Variants in SNX9 observed in about 807,000 individuals in gnomAD.
SNX9 encodes the protein sorting nexin-9.
SNX9 carries 44 observed loss-of-function variants against 89.4 expected under a neutral mutation model. The observed-to-expected ratio is 0.49, with a 90% CI of 0.39 to 0.63. The LOEUF is 0.63. SNX9 is among the 30% of genes least tolerant of loss of function. The pLI is 0.00. For missense variants in SNX9, 578 were observed against 736.1 expected, an observed-to-expected ratio of 0.79 and a Z score of 2.49; for synonymous variants, 236 against 247.8, an observed-to-expected ratio of 0.95 and a Z score of 0.45.
chr6:157,918,232 A>C (rs755664885), intron 9 of SNX9, among the ~76,000 whole-genome samples: 6 of 152,038 alleles, frequency 3.9e-5, no homozygotes, highest in Non-Finnish European at 8.8e-5. Flanking sequence ...TGATTAGTGG[A>C]CTATCTCTCC....
intron 17 of SNX9, 95 bp from the exon 18 acceptor site, chr6:157,942,696 G>A (rs1226781333): frequency 8.4e-6 from 11 of 1,316,816 alleles, no homozygotes; most frequent in Non-Finnish European, 1.1e-5. Context: ...TGGAATTTGT[G>A]TCATGTTTAA....
At chr6:157,891,724 G>A (rs1222417830) in intron 4 of SNX9, among the ~76,000 whole-genome samples, 4 of 152,214 alleles carry the variant, frequency 2.6e-5, no homozygotes, top group Non-Finnish European at 5.9e-5. Flanking sequence ...GGAGGCGGCT[G>A]GATGTCAGCC....
intron 9 of SNX9, among the ~76,000 whole-genome samples, chr6:157,911,962 C>G (rs1433887949): frequency 6.6e-6 from 1 of 152,156 alleles, no homozygotes; most frequent in Non-Finnish European, 1.5e-5. Context: ...TGAGTGGTCC[C>G]TCGTGGTGCT....
At chr6:157,873,280 T>A (rs1782452550) in intron 3 of SNX9, 104 bp downstream of exon 3, 2 of 729,542 alleles carry the variant, frequency 2.7e-6, no homozygotes, top group Middle Eastern at 2.5e-4. Context: ...AAAACAAAAT[T>A]TCCATTGTAA....
At chr6:157,938,797 CA>C in intron 16 of SNX9, 50 bp downstream of exon 16, 1 of 1,399,504 alleles carries the variant, frequency 7.1e-7, no homozygotes, top group Middle Eastern at 1.8e-4. Flanking sequence ...TTTTTTTCCC[CA>C]GCAAAGTTTC....
chr6:157,924,321 G>A (rs1489593859), intron 10 of SNX9: 1 of 152,182 alleles, frequency 6.6e-6, no homozygotes, highest in African/African-American at 2.4e-5. Context: ...CTCCCGGGGA[G>A]CAGTGGTGCC....
chr6:157,867,936 A>G (rs1583207829), intron 2 of SNX9, among the ~76,000 whole-genome samples: 1 of 152,148 alleles, frequency 6.6e-6, no homozygotes, highest in African/African-American at 2.4e-5. Context: ...TTATCTTACA[A>G]TTTTTTAAAT....
At chr6:157,903,620 CGAAG>C (rs1265253238) in intron 6 of SNX9, among the ~76,000 whole-genome samples, 1 of 152,110 alleles carries the variant, frequency 6.6e-6, no homozygotes, top group Non-Finnish European at 1.5e-5. Flanking sequence ...ATTTTGAAAA[CGAAG>C]GAAGCAGAGA....
intron 2 of SNX9, among the ~76,000 whole-genome samples, chr6:157,870,392 C>G (rs563003230): frequency 6.6e-6 from 1 of 152,100 alleles, no homozygotes; most frequent in African/African-American, 2.4e-5. Context: ...TGCATGTACC[C>G]CTCAGACACT....
At chr6:157,832,487 G>T (rs1781496248) in intron 1 of SNX9, among the ~76,000 whole-genome samples, 1 of 152,208 alleles carries the variant, frequency 6.6e-6, no homozygotes. Context: ...AAGGACCCAA[G>T]TCTTGAAATG....
chr6:157,930,849 G>A (rs1355655612), intron 12 of SNX9, among the ~76,000 whole-genome samples: 1 of 152,218 alleles, frequency 6.6e-6, no homozygotes, highest in Non-Finnish European at 1.5e-5. Flanking sequence ...AATTTTGACT[G>A]TAAACTCTTG....
intron 4 of SNX9, among the ~76,000 whole-genome samples, chr6:157,877,679 G>C (rs937602847): frequency 2.6e-5 from 4 of 152,130 alleles, no homozygotes; most frequent in African/African-American, 9.7e-5. Flanking sequence ...CTCTCCCAGG[G>C]TCGGTTTTGT....
intron 1 of SNX9, among the ~76,000 whole-genome samples, chr6:157,838,874 C>T (rs937844545): frequency 2.0e-5 from 3 of 152,122 alleles, no homozygotes; most frequent in African/African-American, 7.2e-5. Context: ...AGTGAACATT[C>T]GAGGCAAGTA....
intron 9 of SNX9, among the ~76,000 whole-genome samples, chr6:157,919,047 C>A (rs144662956): frequency 2.0e-5 from 3 of 152,044 alleles, no homozygotes; most frequent in Non-Finnish European, 4.4e-5. Flanking sequence ...CTTATATTTC[C>A]GGTGCTGCTT....
intron 4 of SNX9, among the ~76,000 whole-genome samples, chr6:157,894,106 CTTTTTTTT>C (rs746909411): frequency 7.8e-5 from 7 of 89,530 alleles, no homozygotes; most frequent in Admixed American, 2.5e-4. Context: ...CTTTTCTTTT[CTTTTTTTT>C]TTTTTTTTTT....
intron 1 of SNX9, among the ~76,000 whole-genome samples, chr6:157,862,701 TATTTTGAACTG>T (rs1487732870): frequency 1.3e-5 from 2 of 152,238 alleles, no homozygotes; most frequent in Non-Finnish European, 1.5e-5. Flanking sequence ...TTTTCCTTCC[TATTTTGAACTG>T]TTTTATTCTC....
intron 1 of SNX9, among the ~76,000 whole-genome samples, chr6:157,861,947 G>T (rs547990898): frequency 6.6e-6 from 1 of 152,266 alleles, no homozygotes; most frequent in African/African-American, 2.4e-5. Flanking sequence ...TAAATGGGAC[G>T]GCTACTACAT....
At chr6:157,886,082 T>A (rs1208351631) in intron 4 of SNX9, among the ~76,000 whole-genome samples, 1 of 152,210 alleles carries the variant, frequency 6.6e-6, no homozygotes, top group African/African-American at 2.4e-5. Flanking sequence ...ACGCCACAGT[T>A]GCTGTTCTCA....
intron 4 of SNX9, among the ~76,000 whole-genome samples, chr6:157,884,604 C>G (rs781351827): frequency 1.3e-5 from 2 of 152,044 alleles, no homozygotes; most frequent in South Asian, 2.1e-4. Context: ...CCCACCCCCC[C>G]GTATGAATTC....
Sources: gnomAD v4.1 joint callset for allele counts (sites outside exome capture counted in the v4.1 genomes callset) on GRCh38, gnomAD v4.1.1 for gene constraint, MANE v1.5 for transcripts, NCBI Gene and HGNC (gene_info 2026-07-23, HGNC 2026-07-21) for gene names.